DRC5: variants seen among roughly 807,000 people sequenced by gnomAD.
The protein encoded by DRC5 is T-complex-associated testis-expressed protein 1.
chr6:44,280,272 G>A, the DRC5 span: 1 of 1,614,244 alleles, frequency 6.2e-7, no homozygotes, highest in Non-Finnish European at 8.5e-7. Flanking sequence ...TTCTCGGTTT[G>A]CGTAGAGGGC....
the DRC5 span, chr6:44,285,818 T>A: frequency 1.3e-6 from 1 of 746,232 alleles, no homozygotes; most frequent in African/African-American, 1.8e-5. Context: ...GAACCGTGTA[T>A]CTTGGTGCAG....
At chr6:44,287,950 C>T in the DRC5 span, 1 of 1,291,400 alleles carries the variant, frequency 7.7e-7, no homozygotes, top group Non-Finnish European at 1.0e-6. Flanking sequence ...AGAGGTGTTA[C>T]TTTGGTGGGT....
chr6:44,283,082 G>A, the DRC5 span, among the ~76,000 whole-genome samples: 3 of 152,140 alleles, frequency 2.0e-5, no homozygotes, highest in South Asian at 2.1e-4. Context: ...GAATACAGGC[G>A]TGAGCCACCG....
the DRC5 span, chr6:44,286,621 C>T: frequency 5.8e-6 from 7 of 1,217,148 alleles, no homozygotes; most frequent in Non-Finnish European, 8.1e-6. Context: ...CTGGGAGCAC[C>T]AGGCAAAGGA....
chr6:44,290,762 T>A, the DRC5 span, among the ~76,000 whole-genome samples: 2 of 152,186 alleles, frequency 1.3e-5, no homozygotes. Context: ...CTGGTGTGCA[T>A]TGCCCTGGAG....
chr6:44,295,573 C>T, the DRC5 span, among the ~76,000 whole-genome samples: 1 of 152,312 alleles, frequency 6.6e-6, no homozygotes, highest in South Asian at 2.1e-4. Context: ...TAGAAAGTGA[C>T]AAGATGTTCC....
At chr6:44,285,834 A>C in the DRC5 span, 1 of 873,854 alleles carries the variant, frequency 1.1e-6, no homozygotes. Context: ...TGCAGGGTGC[A>C]TTAAAAAACA....
the DRC5 span, among the ~76,000 whole-genome samples, chr6:44,289,042 C>CTTTT: frequency 8.9e-5 from 7 of 78,944 alleles, no homozygotes; most frequent in African/African-American, 3.6e-4. Context: ...GTGAAATTAG[C>CTTTT]TTTTTTTTTT....
chr6:44,285,827 A>C, the DRC5 span: 3 of 776,870 alleles, frequency 3.9e-6, no homozygotes, highest in Non-Finnish European at 4.1e-6. Flanking sequence ...ATCTTGGTGC[A>C]GGGTGCATTA....
At chr6:44,287,055 A>G in the DRC5 span, 1 of 308,736 alleles carries the variant, frequency 3.2e-6, no homozygotes, top group Non-Finnish European at 4.7e-6. Context: ...AGACTGGGTG[A>G]TGATAGTTGC....
the DRC5 span, among the ~76,000 whole-genome samples, chr6:44,283,576 T>G: frequency 6.6e-6 from 1 of 152,216 alleles, no homozygotes; most frequent in African/African-American, 2.4e-5. Context: ...CTTACCCAGC[T>G]GAGTCCTTTG....
chr6:44,286,573 G>A, the DRC5 span: 1 of 1,546,572 alleles, frequency 6.5e-7, no homozygotes, highest in South Asian at 1.2e-5. Flanking sequence ...TCACAGTGTT[G>A]GGGGACACCT....
chr6:44,297,623 G>A, the DRC5 span: 3 of 152,232 alleles, frequency 2.0e-5, no homozygotes, highest in Admixed American at 1.3e-4. Flanking sequence ...AAGGGAGACC[G>A]GGGCTGGGTG....
chr6:44,281,418 A>G, the DRC5 span, among the ~76,000 whole-genome samples: 2 of 152,016 alleles, frequency 1.3e-5, no homozygotes, highest in African/African-American at 4.8e-5. Context: ...GGAGTCTCGC[A>G]CTGTCACCCA....
the DRC5 span, among the ~76,000 whole-genome samples, chr6:44,281,751 A>G: frequency 6.6e-6 from 1 of 152,188 alleles, no homozygotes; most frequent in African/African-American, 2.4e-5. Flanking sequence ...ATTAGAAAGG[A>G]CTCAGGCTTT....
At chr6:44,290,161 C>T in the DRC5 span, among the ~76,000 whole-genome samples, 752 of 152,302 alleles carry the variant, frequency 4.9e-3, 1 homozygote, top group Non-Finnish European at 8.8e-3. Context: ...TGACTAATGG[C>T]ATCTCAGAGT....
At chr6:44,283,515 G>T in the DRC5 span, among the ~76,000 whole-genome samples, 1 of 152,294 alleles carries the variant, frequency 6.6e-6, no homozygotes, top group African/African-American at 2.4e-5. Context: ...AGACCTCTGA[G>T]TGTCTGGCCT....
At chr6:44,292,000 G>T in the DRC5 span, among the ~76,000 whole-genome samples, 2 of 147,486 alleles carry the variant, frequency 1.4e-5, no homozygotes, top group African/African-American at 2.5e-5. Context: ...CAGGGCCCCA[G>T]TGTCTGTCTG....
chr6:44,289,493 T>C, the DRC5 span, among the ~76,000 whole-genome samples: 2 of 152,188 alleles, frequency 1.3e-5, no homozygotes, highest in African/African-American at 4.8e-5. Context: ...ACCGTTTCAA[T>C]GTGGCTACTG....
Sources: allele counts gnomAD v4.1 joint callset (sites outside exome capture counted in the v4.1 genomes callset), GRCh38; gene constraint gnomAD v4.1.1; transcripts MANE v1.5; gene names NCBI Gene and HGNC (gene_info 2026-07-23, HGNC 2026-07-21).